ZNF469: variants seen among roughly 807,000 people sequenced by gnomAD.
The protein encoded by ZNF469 is zinc finger protein 469.
ZNF469 carries 1 observed loss-of-function variant against 1.0 expected under a neutral mutation model. The observed-to-expected ratio is 1.00, with a 90% CI of 0.35 to 4.73. The LOEUF (loss-of-function observed/expected upper bound fraction) is 4.73, where lower values mean the gene tolerates loss of function less well. Ranked by LOEUF, ZNF469 falls within the 30% of genes most tolerant of loss-of-function variation. ZNF469 has a pLI of 0.16. For synonymous variants in ZNF469, 2,703 were observed against 2,363.4 expected, an observed-to-expected ratio of 1.14 and a Z score of -4.17; for missense variants, 6,100 against 5,356.3, an observed-to-expected ratio of 1.14 and a Z score of -4.33.
At chr16:88,238,270 C>T in the ZNF469 span, among the ~76,000 whole-genome samples, 4 of 152,188 alleles carry the variant, frequency 2.6e-5, no homozygotes, top group African/African-American at 4.8e-5. Flanking sequence ...GGAAGTTCCC[C>T]GTGGGAAGGG....
rs1238750641 is a variant in ZNF469, at chr16:88,430,018, G to C, written c.2548G>C (p.Gly850Arg). 1.3e-6 allele frequency: 2 copies of C among 1,550,376 alleles called. No individual in the cohort carries two copies. The highest frequency in any genetic ancestry group is 1.7e-6 in the Non-Finnish European group (2 of 1,146,972). Residue 850 changes from glycine to arginine, a missense_variant, in exon 3 of 3, where the codon GGC (glycine) becomes CGC (arginine). Physicochemically the swap from Gly to Arg is moderately radical, Grantham distance 125. Transcript: ENST00000565624. The stretch of plus-strand genomic sequence containing the variant: ...CAGCCTCATCACAGAGGCGCTCAAC[G>C]GCATGGAGTACCAGTCGGACAACCC... ...LDSLITEALN[G>R]MEYQSDNPEI...
At chr16:88,184,062 G>T in the ZNF469 span, among the ~76,000 whole-genome samples, 1 of 151,964 alleles carries the variant, frequency 6.6e-6, no homozygotes, top group Non-Finnish European at 1.5e-5. Context: ...GGCAGAAGTG[G>T]AAGCTTGAAG....
chr16:88,311,857 TGC>T, the ZNF469 span, among the ~76,000 whole-genome samples: 2,614 of 152,366 alleles, frequency 0.017, 61 homozygotes, highest in African/African-American at 0.059. Context: ...TGAAGCTGCG[TGC>T]TTTCAAATGA....
At chr16:88,381,530 C>CA (rs1378544804), upstream of ZNF469, among the ~76,000 whole-genome samples, 1 of 152,238 alleles carries the variant, frequency 6.6e-6, no homozygotes, top group Non-Finnish European at 1.5e-5. Flanking sequence ...TGTCCACAGC[C>CA]AGGGGACCCC....
the ZNF469 span, among the ~76,000 whole-genome samples, chr16:88,113,760 T>A: frequency 1.3e-5 from 2 of 151,366 alleles, no homozygotes; most frequent in African/African-American, 4.8e-5. Flanking sequence ...TCCCTTCTTC[T>A]TAATTTCACC....
At chr16:88,334,010 TTG>T in the ZNF469 span, among the ~76,000 whole-genome samples, 12,021 of 148,482 alleles carry the variant, frequency 0.081, 574 homozygotes, top group South Asian at 0.18. Context: ...GTCTATGTGT[TTG>T]TGTGTGTGTG....
chr16:88,439,433 T>G lies in ZNF469; in HGVS notation c.*101T>G. On this transcript the variant is annotated 3_prime_UTR_variant, in exon 3 of 3. Coordinates refer to ENST00000565624, the MANE Select transcript of ZNF469 (RefSeq NM_001367624.2). ...CTGAGATGGTCCACTCTGTGGCCACTTGACTTCTTGTGCAACTGCTCAGGC... is the reference window on the plus strand; with the variant it reads ...CTGAGATGGTCCACTCTGTGGCCACGTGACTTCTTGTGCAACTGCTCAGGC... 7.6e-7 allele frequency: 1 copy of G among 1,318,486 alleles called. No individual in the cohort carries two copies. The highest frequency in any genetic ancestry group is 2.0e-5 in the Admixed American group (1 of 49,838). The allele number at this position is 1,318,486 out of a possible 1,614,324, so 81.7% of individuals were successfully genotyped here.
At chr16:88,283,924 G>A in the ZNF469 span, among the ~76,000 whole-genome samples, 762 of 107,400 alleles carry the variant, frequency 7.1e-3, 14 homozygotes, top group African/African-American at 0.029. Context: ...CAGTGTGCCC[G>A]AGGTCTGCGG....
chr16:88,428,689 CCAGGGCAGGCGTA>C lies in ZNF469; in HGVS notation c.1223_1235del (p.Gly408GlufsTer90). The C allele has an allele frequency of 6.5e-7, 1 of 1,549,618 alleles. No homozygotes were observed. Among genetic ancestry groups the C allele is most frequent in the Non-Finnish European group, 8.7e-7 (1 of 1,146,832 alleles). ...TAGCTCCCTACCCCAGAGGCACTTT[CCAGGGCAGGCGTA>C]CAGAGCCAGTGGGGTGGACACCAGC... is the stretch of plus-strand genomic sequence containing the variant. On this transcript the variant is annotated frameshift_variant, in exon 3 of 3. Coordinates refer to ENST00000565624, the MANE Select transcript of ZNF469 (RefSeq NM_001367624.2). LOFTEE classifies it low-confidence loss of function (END_TRUNC).
the ZNF469 span, among the ~76,000 whole-genome samples, chr16:88,331,079 C>T: frequency 1.3e-5 from 2 of 151,644 alleles, no homozygotes; most frequent in Non-Finnish European, 2.9e-5. Context: ...CGACCACCAC[C>T]ACCATCACCA....
the ZNF469 span, among the ~76,000 whole-genome samples, chr16:88,125,122 G>C: frequency 6.6e-6 from 1 of 152,208 alleles, no homozygotes. Context: ...AGCACCATTT[G>C]TTGAGAAGAA....
the ZNF469 span, among the ~76,000 whole-genome samples, chr16:88,224,515 G>T: frequency 6.6e-6 from 1 of 152,210 alleles, no homozygotes; most frequent in African/African-American, 2.4e-5. Flanking sequence ...GGGGTTGGGG[G>T]CTGGCCTGGG....
chr16:88,159,929 C>T, the ZNF469 span, among the ~76,000 whole-genome samples: 8 of 152,148 alleles, frequency 5.3e-5, no homozygotes, highest in African/African-American at 1.2e-4. Context: ...CTGCCTCCCC[C>T]GTCTGAACTG....
At chr16:88,362,068 T>G in the ZNF469 span, among the ~76,000 whole-genome samples, 10 of 152,282 alleles carry the variant, frequency 6.6e-5, no homozygotes, top group Admixed American at 3.3e-4. Flanking sequence ...AGATTGATTC[T>G]TAAATTCAGC....
At chr16:88,155,788 G>A in the ZNF469 span, among the ~76,000 whole-genome samples, 10 of 152,186 alleles carry the variant, frequency 6.6e-5, no homozygotes, top group Non-Finnish European at 1.3e-4. Context: ...TGTGGGCATC[G>A]GCTTTTGGTT....
chr16:88,101,283 G>T, the ZNF469 span, among the ~76,000 whole-genome samples: 1 of 152,250 alleles, frequency 6.6e-6, no homozygotes, highest in Admixed American at 6.5e-5. Context: ...TTGCTTTCCA[G>T]TTGATGATAG....
In ZNF469 at chr16:88,436,478, C is replaced by T. The variant is rs774968087; in HGVS notation, c.9008C>T (p.Pro3003Leu). ...VPAAWRGLEMPAPADDSSSSL... is the reference protein window; with the variant it reads ...VPAAWRGLEMLAPADDSSSSL... ...GCGGCTTGGCGAGGCCTGGAGATGC[C>T]GGCCCCTGCCGATGACTCCTCCTCT... The change falls in exon 3 of 3, where the codon CCG (proline) becomes CTG (leucine). Residue 3003 changes from proline (P) to leucine (L), a missense_variant. Transcript: ENST00000565624. The T allele has an allele frequency of 5.4e-5, 83 of 1,546,676 alleles. No homozygotes were observed. Among genetic ancestry groups the T allele is most frequent in the Middle Eastern group, 1.7e-4 (1 of 6,010 alleles).
At chr16:88,268,710 C>A in the ZNF469 span, among the ~76,000 whole-genome samples, 4 of 152,226 alleles carry the variant, frequency 2.6e-5, no homozygotes, top group Non-Finnish European at 5.9e-5. Flanking sequence ...TCACACTTCT[C>A]TACTCTGTTC....
chr16:88,254,987 C>T, the ZNF469 span, among the ~76,000 whole-genome samples: 1 of 152,312 alleles, frequency 6.6e-6, no homozygotes, highest in African/African-American at 2.4e-5. Flanking sequence ...TTTAATTTCT[C>T]TCAATAATCT....
Sources: gnomAD v4.1 joint callset for allele counts (sites outside exome capture counted in the v4.1 genomes callset) on GRCh38, gnomAD v4.1.1 for gene constraint, MANE v1.5 for transcripts, NCBI Gene and HGNC (gene_info 2026-07-23, HGNC 2026-07-21) for gene names.